The following PRELID2 variants were observed in gnomAD, a reference collection of about 807,000 sequenced individuals.
PRELID2 encodes PRELI domain-containing protein 2.
A neutral mutation model predicts 28.4 loss-of-function variants in PRELID2; 25 were observed. The ratio of observed to expected loss-of-function variants is 0.88; its 90% confidence interval spans 0.64 to 1.23. PRELID2 has a LOEUF of 1.23. Ranked by LOEUF, PRELID2 falls within the 50% of genes most tolerant of loss-of-function variation. PRELID2 has a pLI of 0.00. For missense variants in PRELID2, 201 were observed against 214.4 expected (o/e 0.94, Z 0.39); for synonymous variants, 76 against 71.6 (o/e 1.06, Z -0.31).
intron 1 of PRELID2, among the ~76,000 whole-genome samples, chr5:145,598,883 T>C (rs1465083472): frequency 1.3e-5 from 2 of 152,206 alleles, no homozygotes; most frequent in Non-Finnish European, 1.5e-5. Context: ...AAGAGTTTGC[T>C]AAAGAGATGA....
At chr5:145,739,937 A>G (rs1756607730) in intron 1 of PRELID2, among the ~76,000 whole-genome samples, 1 of 135,794 alleles carries the variant, frequency 7.4e-6, no homozygotes, top group African/African-American at 2.7e-5. Flanking sequence ...GAAAACAAAG[A>G]AAAAAATAGG....
chr5:145,264,047 C>T, the PRELID2 span, among the ~76,000 whole-genome samples: 1 of 152,222 alleles, frequency 6.6e-6, no homozygotes, highest in South Asian at 2.1e-4. Flanking sequence ...CGCCCAGCCT[C>T]ACAGCTGAAC....
At chr5:145,410,438 A>G in the PRELID2 span, among the ~76,000 whole-genome samples, 1 of 152,216 alleles carries the variant, frequency 6.6e-6, no homozygotes, top group African/African-American at 2.4e-5. Context: ...TCATGCTGTT[A>G]TGGAGAAATA....
intron 1 of PRELID2, among the ~76,000 whole-genome samples, chr5:145,620,780 G>C (rs545118932): frequency 5.0e-4 from 76 of 151,996 alleles, no homozygotes; most frequent in Non-Finnish European, 1.0e-3. Context: ...CGAGGCTACA[G>C]TGAGCCATGG....
chr5:145,610,290 C>T (rs943142801), intron 1 of PRELID2, among the ~76,000 whole-genome samples: 8 of 152,120 alleles, frequency 5.3e-5, no homozygotes, highest in African/African-American at 1.4e-4. Context: ...CCCCTGCTTC[C>T]TTGATGGATC....
chr5:145,533,929 G>A (rs1055599211), intron 1 of PRELID2, among the ~76,000 whole-genome samples: 3 of 151,976 alleles, frequency 2.0e-5, no homozygotes, highest in African/African-American at 7.2e-5. Context: ...AGATTGCCTT[G>A]TAGAGGCTGT....
rs997715161 is a variant in PRELID2 at position 145,782,704 on chromosome 5, A to G, written c.474+13738T>C. Among the ~76,000 whole-genome samples, 3 of 152,188 alleles carry G rather than the reference A, an allele frequency of 2.0e-5. No homozygotes were observed. In the South Asian group the frequency reaches 6.2e-4, roughly 32 times the overall value. ...AAAATTATGTTTCTTATTTTTAAAT[A>G]TTTTATTGCCATCTCAACCCTTGAC... On this transcript the variant is annotated intron_variant, in intron 5 of 6. Transcript: ENST00000683046.
chr5:145,810,223 G>C (rs952109358), intron 4 of PRELID2, among the ~76,000 whole-genome samples: 4 of 152,142 alleles, frequency 2.6e-5, no homozygotes, highest in Non-Finnish European at 2.9e-5. Flanking sequence ...CCTCTTTTCA[G>C]ATTAAGATTC....
the PRELID2 span, among the ~76,000 whole-genome samples, chr5:145,397,911 G>T: frequency 6.6e-6 from 1 of 152,122 alleles, no homozygotes; most frequent in African/African-American, 2.4e-5. Context: ...GAAACTGAAG[G>T]ATACATCATG....
chr5:145,646,325 G>A (rs951808133), intron 1 of PRELID2, among the ~76,000 whole-genome samples: 6 of 151,804 alleles, frequency 4.0e-5, no homozygotes, highest in African/African-American at 7.2e-5. Context: ...TGATCTGTAC[G>A]GCTATTGATA....
chr5:145,671,050 T>C (rs963094097), intron 1 of PRELID2, among the ~76,000 whole-genome samples: 3 of 152,168 alleles, frequency 2.0e-5, no homozygotes, highest in Non-Finnish European at 4.4e-5. Flanking sequence ...AGGTATTCAA[T>C]AAGCTAATGT....
the PRELID2 span, among the ~76,000 whole-genome samples, chr5:145,432,590 T>C: frequency 8.5e-5 from 13 of 152,138 alleles, no homozygotes; most frequent in African/African-American, 3.1e-4. Flanking sequence ...ATCCATTACA[T>C]GTTTGTGTGT....
intron 1 of PRELID2, among the ~76,000 whole-genome samples, chr5:145,635,309 A>G (rs971618038): frequency 1.3e-5 from 2 of 152,128 alleles, no homozygotes; most frequent in Non-Finnish European, 2.9e-5. Context: ...ATGGTTCTTA[A>G]TAAATATTTA....
At chr5:145,516,035 TACTG>T (rs1316440782) in intron 1 of PRELID2, among the ~76,000 whole-genome samples, 1 of 152,182 alleles carries the variant, frequency 6.6e-6, no homozygotes, top group Non-Finnish European at 1.5e-5. Context: ...GCCAATATCA[TACTG>T]AATGGGCAAA....
chr5:145,487,910 G>A (rs183913636), intron 1 of PRELID2, among the ~76,000 whole-genome samples: 1 of 151,932 alleles, frequency 6.6e-6, no homozygotes, highest in African/African-American at 2.4e-5. Flanking sequence ...GGATCATGAG[G>A]TCAGGAGATC....
intron 5 of PRELID2, among the ~76,000 whole-genome samples, chr5:145,769,057 CA>C (rs1204991408): frequency 9.2e-5 from 14 of 152,178 alleles, no homozygotes; most frequent in African/African-American, 3.4e-4. Context: ...GCTTAAATCT[CA>C]ACCCCCAGGA....
At chr5:145,791,854 C>A (rs757401065) in intron 5 of PRELID2, among the ~76,000 whole-genome samples, 8 of 152,170 alleles carry the variant, frequency 5.3e-5, no homozygotes, top group Non-Finnish European at 1.2e-4. Flanking sequence ...GAGGATACGT[C>A]ATTACAGTAA....
chr5:145,539,773 GTATT>G (rs1005708647), intron 1 of PRELID2, among the ~76,000 whole-genome samples: 11 of 151,676 alleles, frequency 7.3e-5, no homozygotes, highest in African/African-American at 2.7e-4. Context: ...GGTGTTTTAA[GTATT>G]TATTAAATAT....
At chr5:145,776,421 A>G (rs1758412700) in intron 5 of PRELID2, among the ~76,000 whole-genome samples, 1 of 152,046 alleles carries the variant, frequency 6.6e-6, no homozygotes, top group Non-Finnish European at 1.5e-5. Flanking sequence ...GAGAAGCCAC[A>G]ATGTGTTTCC....
Sources: gnomAD v4.1 joint callset for allele counts (sites outside exome capture counted in the v4.1 genomes callset) on GRCh38, gnomAD v4.1.1 for gene constraint, MANE v1.5 for transcripts, NCBI Gene and HGNC (gene_info 2026-07-23, HGNC 2026-07-21) for gene names.